Variants in EPHA6 observed in about 807,000 individuals in gnomAD.
EPHA6 encodes the protein EPH receptor A6.
Under a neutral mutation model 112.0 loss-of-function variants are expected in EPHA6, and 50 were observed. The observed-to-expected ratio is 0.45, with a 90% CI of 0.36 to 0.56. The LOEUF (loss-of-function observed/expected upper bound fraction) is 0.56. Among genes scored for constraint, EPHA6 ranks in the 20% least tolerant of loss-of-function variants. The probability of loss-of-function intolerance (pLI) is 0.00; values close to 1 mark genes in which losing one functional copy is unlikely to be tolerated. For synonymous variants in EPHA6, 529 were observed against 490.7 expected (o/e 1.08, Z -1.03); for missense variants, 1,280 against 1,417.4 (o/e 0.90, Z 1.56).
At chr3:96,862,105 A>G (rs993973822) in intron 1 of EPHA6, among the ~76,000 whole-genome samples, 1 of 151,982 alleles carries the variant, frequency 6.6e-6, no homozygotes, top group African/African-American at 2.4e-5. Context: ...TTTAAACAGT[A>G]TTATATTTAA....
At chr3:96,834,599 G>A (rs1337802965) in intron 1 of EPHA6, among the ~76,000 whole-genome samples, 2 of 151,900 alleles carry the variant, frequency 1.3e-5, no homozygotes, top group Non-Finnish European at 2.9e-5. Flanking sequence ...GATTAAAAAT[G>A]AGTTAAGGGG....
chr3:97,475,547 C>CA, intron 8 of EPHA6, 87 bp downstream of exon 8: 4 of 897,864 alleles, frequency 4.5e-6, no homozygotes, highest in Non-Finnish European at 6.9e-6. Flanking sequence ...TTAGATATAA[C>CA]AAAGCACACC....
At chr3:97,359,436 AT>A (rs2084251767) in intron 5 of EPHA6, among the ~76,000 whole-genome samples, 1 of 137,792 alleles carries the variant, frequency 7.3e-6, no homozygotes, top group Non-Finnish European at 1.6e-5. Context: ...TGATATTTCC[AT>A]TTTGTTCATA....
At chr3:97,545,458 A>G (rs1475170248) in intron 11 of EPHA6, among the ~76,000 whole-genome samples, 2 of 152,044 alleles carry the variant, frequency 1.3e-5, no homozygotes, top group Non-Finnish European at 2.9e-5. Flanking sequence ...ATTCTTTTAC[A>G]TTTGCTGAGG....
intron 3 of EPHA6, among the ~76,000 whole-genome samples, chr3:97,223,962 G>A (rs921365239): frequency 1.3e-5 from 2 of 151,798 alleles, no homozygotes; most frequent in Non-Finnish European, 2.9e-5. Context: ...TGAGGTTATT[G>A]GGCACTTGAA....
Position 97,156,233 on chromosome 3 carries a change from G to T in EPHA6, c.1115-70031G>T, listed in dbSNP as rs576287995. ...CTAAATAGTCTTTTAAATCAGATGT[G>T]GGTTTGATCCAGAATCTGATCAGAA... On this transcript the variant is annotated intron_variant, in intron 3 of 17. Transcript: ENST00000389672. Among the ~76,000 whole-genome samples, 3 of 152,186 alleles carry T rather than the reference G, an allele frequency of 2.0e-5. No homozygotes were observed. The East Asian group carries it at 5.8e-4, about 29-fold the overall frequency.
intron 3 of EPHA6, among the ~76,000 whole-genome samples, chr3:97,127,603 T>C (rs1187104504): frequency 2.0e-5 from 3 of 151,704 alleles, no homozygotes; most frequent in African/African-American, 7.3e-5. Flanking sequence ...TGCCTGTAGT[T>C]CCAGCTGCTG....
At chr3:97,509,916 C>T (rs2092333181) in intron 10 of EPHA6, among the ~76,000 whole-genome samples, 1 of 152,116 alleles carries the variant, frequency 6.6e-6, no homozygotes, top group Non-Finnish European at 1.5e-5. Context: ...ATCTTGTCTT[C>T]ATGCTTTATT....
chr3:96,966,284 A>G (rs1247511593), intron 2 of EPHA6, among the ~76,000 whole-genome samples: 2 of 152,074 alleles, frequency 1.3e-5, no homozygotes, highest in African/African-American at 4.8e-5. Flanking sequence ...ATCCAAGGGC[A>G]TCAAATGTGC....
intron 3 of EPHA6, among the ~76,000 whole-genome samples, chr3:97,091,390 T>C (rs1180371146): frequency 1.3e-5 from 2 of 152,116 alleles, no homozygotes; most frequent in Non-Finnish European, 2.9e-5. Flanking sequence ...ACTGGATCGG[T>C]GTTTTTAAGA....
chr3:97,310,714 T>A (rs568545608), intron 5 of EPHA6, among the ~76,000 whole-genome samples: 1 of 151,832 alleles, frequency 6.6e-6, no homozygotes, highest in Non-Finnish European at 1.5e-5. Flanking sequence ...GAATTTTTAA[T>A]GGATCCTCTC....
intron 2 of EPHA6, among the ~76,000 whole-genome samples, chr3:96,946,322 C>T (rs1033452129): frequency 1.3e-5 from 2 of 151,998 alleles, no homozygotes; most frequent in African/African-American, 2.4e-5. Context: ...ATCCCTCCCC[C>T]CCTTCCCCCA....
intron 9 of EPHA6, chr3:97,481,509 C>T (rs2034940): frequency 9.4e-5 from 96 of 1,021,918 alleles, no homozygotes; most frequent in Non-Finnish European, 1.3e-4. Context: ...GTTCTTCCTC[C>T]GGCGCGGGGC....
intron 3 of EPHA6, among the ~76,000 whole-genome samples, chr3:97,106,922 C>T (rs1451381945): frequency 1.3e-5 from 2 of 152,162 alleles, no homozygotes; most frequent in East Asian, 1.9e-4. Context: ...GAGAAAGGAA[C>T]GACAACTATT....
At chr3:96,874,889 T>G (rs1262077694) in intron 2 of EPHA6, among the ~76,000 whole-genome samples, 1 of 152,046 alleles carries the variant, frequency 6.6e-6, no homozygotes, top group Non-Finnish European at 1.5e-5. Context: ...TGAAGTCATG[T>G]GCAAGTAACA....
intron 3 of EPHA6, among the ~76,000 whole-genome samples, chr3:97,189,293 C>A (rs1322884791): frequency 6.6e-6 from 1 of 151,944 alleles, no homozygotes; most frequent in Non-Finnish European, 1.5e-5. Context: ...TCTTTAAATA[C>A]TTATTTTAAA....
chr3:97,195,471 A>T (rs2077415178), intron 3 of EPHA6, among the ~76,000 whole-genome samples: 1 of 151,938 alleles, frequency 6.6e-6, no homozygotes, highest in Non-Finnish European at 1.5e-5. Context: ...GGTAGTTGTT[A>T]TTTCTGATAG....
At chr3:97,079,223 A>T (rs1188880347) in intron 3 of EPHA6, among the ~76,000 whole-genome samples, 1 of 152,176 alleles carries the variant, frequency 6.6e-6, no homozygotes, top group Non-Finnish European at 1.5e-5. Flanking sequence ...CAATGTTAGG[A>T]TGAAGACAAT....
intron 3 of EPHA6, among the ~76,000 whole-genome samples, chr3:97,085,824 C>T (rs2046875221): frequency 6.6e-6 from 1 of 150,980 alleles, no homozygotes; most frequent in African/African-American, 2.4e-5. Context: ...TCAGTTAATA[C>T]CTGAGTATAT....
Sources: gnomAD v4.1 joint callset for allele counts (sites outside exome capture counted in the v4.1 genomes callset) on GRCh38, gnomAD v4.1.1 for gene constraint, MANE v1.5 for transcripts, NCBI Gene and HGNC (gene_info 2026-07-23, HGNC 2026-07-21) for gene names.